The following PRL variants were observed in gnomAD, a reference collection of about 807,000 sequenced individuals.
PRL encodes the protein decidual prolactin.
A neutral mutation model predicts 21.3 loss-of-function variants in PRL; 24 were observed. The ratio of observed to expected loss-of-function variants is 1.13; its 90% CI spans 0.82 to 1.59. PRL has a LOEUF of 1.59. PRL is among the 40% of genes most tolerant of loss of function. The pLI, the probability that PRL is intolerant of heterozygous loss-of-function variation, is 0.00. For synonymous variants in PRL, 118 were observed against 115.7 expected (o/e 1.02, Z -0.13); for missense variants, 243 against 286.9 (o/e 0.85, Z 1.10).
At chr6:22,298,741 G>A (rs1761228669), upstream of PRL, among the ~76,000 whole-genome samples, 3 of 152,188 alleles carry the variant, frequency 2.0e-5, no homozygotes, top group Admixed American at 2.0e-4. Flanking sequence ...AGAAAGCAGA[G>A]CTGTGTGGCA....
At chr6:22,292,748 A>T in intron 2 of PRL, 103 bp from the exon 3 acceptor site, 1 of 859,146 alleles carries the variant, frequency 1.2e-6, no homozygotes, top group Non-Finnish European at 1.7e-6. Context: ...TGTAATTTTA[A>T]AAAATTAGAG....
At chr6:22,296,048 C>T (rs141187722) in intron 1 of PRL, among the ~76,000 whole-genome samples, 106 of 152,088 alleles carry the variant, frequency 7.0e-4, no homozygotes, top group Non-Finnish European at 8.4e-4. Flanking sequence ...AATCATATGA[C>T]GAAACCAAAT....
chr6:22,298,696 AT>A (rs890911857), upstream of PRL, among the ~76,000 whole-genome samples: 25 of 152,166 alleles, frequency 1.6e-4, no homozygotes, highest in Non-Finnish European at 2.4e-4. Context: ...TTAGGTATTC[AT>A]TTTTTCCCTG....
chr6:22,294,907 G>A (rs948017886), intron 1 of PRL, among the ~76,000 whole-genome samples: 1 of 152,138 alleles, frequency 6.6e-6, no homozygotes, highest in Admixed American at 6.5e-5. Flanking sequence ...TCTTAAGATA[G>A]TTTAATGTCT....
In PRL at chr6:22,292,398, T is replaced by C; in HGVS notation, c.312+140A>G. 4 of 760,640 alleles carry C rather than the reference T, an allele frequency of 5.3e-6. No individual in the cohort carries two copies. The East Asian group carries it at 8.1e-5, about 15-fold the overall frequency. 47.1% of individuals were successfully genotyped at this position (760,640 alleles called of 1,614,324 possible). A position where few individuals can be genotyped will look rare whatever the true frequency, so the allele number is the denominator to read the frequency against. On this transcript the variant is annotated intron_variant, in intron 3 of 4. Coordinates refer to ENST00000306482, the MANE Select transcript of PRL (RefSeq NM_000948.6). ...GACTCATATTTCATCAACTACATAATGTAATTTTTTGACTGCTTATTCTTC... is the reference window on the plus strand; with the variant it reads ...GACTCATATTTCATCAACTACATAACGTAATTTTTTGACTGCTTATTCTTC...
At chr6:22,296,449 A>C (rs1426365350) in intron 1 of PRL, among the ~76,000 whole-genome samples, 3 of 152,206 alleles carry the variant, frequency 2.0e-5, no homozygotes, top group Non-Finnish European at 4.4e-5. Flanking sequence ...AAGTTTCATC[A>C]GGTTGATTCA....
intron 4 of PRL, among the ~76,000 whole-genome samples, chr6:22,289,518 C>T (rs1266084856): frequency 1.3e-5 from 2 of 151,834 alleles, no homozygotes; most frequent in East Asian, 1.9e-4. Flanking sequence ...CTTTGGAGTC[C>T]CAAGAAAAAA....
At position 22,292,679 on chromosome 6, in the gene PRL, G is replaced by A. The variant is rs903387499; in HGVS notation, c.205-34C>T. On this transcript the variant is annotated intron_variant, in intron 2 of 4. Coordinates refer to ENST00000306482, the MANE Select transcript of PRL (RefSeq NM_000948.6). ...GATGAGACAAATTCAATTAGTTGGG[G>A]TTGTTTGGGCATTGAATAAATGAAT... The A allele has an allele frequency of 8.3e-6, 13 of 1,565,864 alleles. No individual in the cohort carries two copies. In the African/African-American group the frequency reaches 1.5e-4, roughly 18 times the overall value.
At chr6:22,300,356 T>C (rs1238441921), upstream of PRL, among the ~76,000 whole-genome samples, 1 of 152,234 alleles carries the variant, frequency 6.6e-6, no homozygotes, top group Non-Finnish European at 1.5e-5. Flanking sequence ...AACAAGTAGC[T>C]GAGTCTTGGC....
chr6:22,294,630 G>A (rs1761137192), intron 1 of PRL, 46 bp from the exon 2 acceptor site: 3 of 1,486,212 alleles, frequency 2.0e-6, no homozygotes, highest in East Asian at 2.5e-5. Context: ...TTTATTCCAC[G>A]GAGGTTTTCA....
Position 22,290,263 on chromosome 6 carries a change from C to G in PRL, c.403G>C (p.Glu135Gln), listed in dbSNP as rs1382559159. The G allele has an allele frequency of 6.2e-7, 1 of 1,613,252 alleles. No individual in the cohort carries two copies. The highest frequency in any genetic ancestry group is 1.7e-5 in the Admixed American group (1 of 60,018). The change falls in exon 4 of 5, where the codon GAA (glutamate) becomes CAA (glutamine). Residue 135 changes from glutamate (E) to glutamine (Q), a missense_variant. Glu to Gln is a conservative substitution (Grantham distance 29, BLOSUM62 2). Coordinates refer to ENST00000306482, the MANE Select transcript of PRL (RefSeq NM_000948.6). ...TTGGATAGGATAGCCTCCGGGGCTT[C>G]TTGCATACCACGTACTTCCGTGACC... ...HLVTEVRGMQ[E>Q]APEAILSKAV...
At chr6:22,292,224 C>T (rs1761064905) in intron 3 of PRL, among the ~76,000 whole-genome samples, 1 of 152,114 alleles carries the variant, frequency 6.6e-6, no homozygotes, top group Non-Finnish European at 1.5e-5. Context: ...TGTATATTTA[C>T]TCACAGAAGT....
At chr6:22,291,509 T>C (rs949469984) in intron 3 of PRL, among the ~76,000 whole-genome samples, 2 of 152,224 alleles carry the variant, frequency 1.3e-5, no homozygotes, top group Middle Eastern at 3.2e-3. Flanking sequence ...GCATTCCTAA[T>C]TAGAAAATCT....
chr6:22,299,483 T>C (rs915683137), upstream of PRL, among the ~76,000 whole-genome samples: 3 of 152,228 alleles, frequency 2.0e-5, no homozygotes, highest in African/African-American at 7.2e-5. Flanking sequence ...CTTTTGTTTA[T>C]CTGTTTTTAA....
At position 22,288,204 on chromosome 6, in the gene PRL, G is replaced by A. The variant is rs1036494541; in HGVS notation, c.493-611C>T. On this transcript the variant is annotated intron_variant, in intron 4 of 4. Coordinates refer to ENST00000306482, the MANE Select transcript of PRL (RefSeq NM_000948.6). This position sits in a 1 kb window ranked among gnomAD's most constrained non-coding sequence, Gnocchi z 4.5. ...AGGGGAAACAATTGCTTTCTTTTGA[G>A]GTCCCTGGGCTGGGAGGTGCCGGGA... Among the ~76,000 whole-genome samples the A allele has an allele frequency of 1.2e-4, 19 of 152,008 alleles. No homozygotes were observed. Among genetic ancestry groups the A allele is most frequent in the Non-Finnish European group, 1.5e-4 (10 of 68,010 alleles).
chr6:22,297,531 A>G (rs572514996), upstream of PRL: 7 of 152,634 alleles, frequency 4.6e-5, no homozygotes, highest in African/African-American at 1.7e-4. Context: ...GTCCCCTGTT[A>G]CACTGTCATT....
chr6:22,292,781 G>C (rs755230848), intron 2 of PRL, 136 bp from the exon 3 acceptor site: 61 of 684,496 alleles, frequency 8.9e-5, no homozygotes, highest in Non-Finnish European at 1.3e-4. Flanking sequence ...GAAAACTAAA[G>C]AATTAAGAAA....
intron 3 of PRL, among the ~76,000 whole-genome samples, chr6:22,291,958 T>C (rs1273066680): frequency 6.6e-6 from 1 of 152,184 alleles, no homozygotes; most frequent in Non-Finnish European, 1.5e-5. Context: ...CAAAATATTA[T>C]GTTTTACAGG....
chr6:22,301,760 T>C (rs1481692266), upstream of PRL, among the ~76,000 whole-genome samples: 2 of 152,356 alleles, frequency 1.3e-5, no homozygotes, highest in East Asian at 3.9e-4. Context: ...TGCTTAGTTT[T>C]TTTTTCTTAT....
Sources: gnomAD v4.1 joint callset for allele counts (sites outside exome capture counted in the v4.1 genomes callset) on GRCh38, gnomAD v4.1.1 for gene constraint, Gnocchi (gnomAD v3.1) non-coding constraint, MANE v1.5 for transcripts, NCBI Gene and HGNC (gene_info 2026-07-23, HGNC 2026-07-21) for gene names.